Variants in C1orf21 observed in about 807,000 individuals in gnomAD.
C1orf21 encodes uncharacterized protein C1orf21.
Under a neutral mutation model 18.7 loss-of-function variants are expected in C1orf21, and 3 were observed. The observed-to-expected ratio is 0.16, with a 90% CI of 0.07 to 0.42. The LOEUF is 0.42. Ranked by LOEUF, C1orf21 falls within the 10% of genes least tolerant of loss-of-function variation. The pLI, the probability that C1orf21 is intolerant of heterozygous loss-of-function variation, is 0.99. For synonymous variants in C1orf21, 41 were observed against 46.4 expected, an observed-to-expected ratio of 0.88 and a Z score of 0.47; for missense variants, 104 against 143.6, an observed-to-expected ratio of 0.72 and a Z score of 1.41.
chr1:184,432,475 C>T (rs1430759856), intron 1 of C1orf21, among the ~76,000 whole-genome samples: 1 of 152,060 alleles, frequency 6.6e-6, no homozygotes, highest in Non-Finnish European at 1.5e-5. Flanking sequence ...ACAATGAGAA[C>T]ACAAGGACAC....
At chr1:184,474,694 C>A (rs1174200845) in intron 1 of C1orf21, among the ~76,000 whole-genome samples, 1 of 152,088 alleles carries the variant, frequency 6.6e-6, no homozygotes, top group Non-Finnish European at 1.5e-5. Context: ...TCTCAGTGTA[C>A]CCTGATTTTG....
chr1:184,586,027 C>A (rs989132739), intron 3 of C1orf21, among the ~76,000 whole-genome samples: 1 of 152,074 alleles, frequency 6.6e-6, no homozygotes, highest in Non-Finnish European at 1.5e-5. Flanking sequence ...ATTTTTAGAT[C>A]TTTGAGGAAT....
chr1:184,405,246 A>C (rs1463733283), intron 1 of C1orf21, among the ~76,000 whole-genome samples: 2 of 151,712 alleles, frequency 1.3e-5, no homozygotes, highest in Non-Finnish European at 2.9e-5. Context: ...CCCATGCTGG[A>C]GTGCAGTGGC....
intron 3 of C1orf21, among the ~76,000 whole-genome samples, chr1:184,524,993 G>C (rs1012110499): frequency 6.6e-6 from 1 of 151,942 alleles, no homozygotes; most frequent in Non-Finnish European, 1.5e-5. Flanking sequence ...TAAAATAACA[G>C]TATTTTCTGA....
intron 2 of C1orf21, among the ~76,000 whole-genome samples, chr1:184,503,077 C>CAAAAAAA (rs199599189): frequency 3.2e-5 from 2 of 61,640 alleles, no homozygotes; most frequent in African/African-American, 6.8e-5. Flanking sequence ...GAAACTGTCT[C>CAAAAAAA]AAAAAAAAAA....
chr1:184,609,884 G>A (rs1659701817), intron 5 of C1orf21, among the ~76,000 whole-genome samples: 1 of 152,238 alleles, frequency 6.6e-6, no homozygotes, highest in South Asian at 2.1e-4. Context: ...ATTGGGAAGA[G>A]ATGCTGTTGG....
chr1:184,577,400 C>T (rs919497433), intron 3 of C1orf21, among the ~76,000 whole-genome samples: 1 of 151,906 alleles, frequency 6.6e-6, no homozygotes, highest in African/African-American at 2.4e-5. Context: ...AGAAGGAAGG[C>T]GGCCCTCCAG....
intron 1 of C1orf21, among the ~76,000 whole-genome samples, chr1:184,402,261 G>C (rs768784311): frequency 2.0e-5 from 3 of 152,116 alleles, no homozygotes; most frequent in Non-Finnish European, 2.9e-5. Context: ...TTTAGTACTT[G>C]TGTGATTTTA....
At position 184,584,133 on chromosome 1, in the gene C1orf21, CTTTTT is replaced by C. The variant is rs386368968; in HGVS notation, c.190-6588_190-6584del. On this transcript the variant is annotated intron_variant, in intron 3 of 5. Coordinates refer to ENST00000235307, the MANE Select transcript of C1orf21 (RefSeq NM_030806.4). ...GTTGGTTTGTTTGCTTGTTCTTCTTCTTTTTTTTTTTTTTTTTTTTTTAAGAAAGC... is the reference window on the plus strand; with the variant it reads ...GTTGGTTTGTTTGCTTGTTCTTCTTCTTTTTTTTTTTTTTTTTAAGAAAGC... Among the ~76,000 whole-genome samples the C allele has an allele frequency of 1.7e-4, 19 of 113,238 alleles. No individual in the cohort carries two copies. In the East Asian group the frequency reaches 4.2e-3, roughly 25 times the overall value. The allele number at this position is 113,238 out of a possible 152,430, so 74.3% of individuals were successfully genotyped here. A position where few individuals can be genotyped will look rare whatever the true frequency, so the allele number is the denominator to read the frequency against.
At chr1:184,523,861 A>C (rs960428611) in intron 3 of C1orf21, among the ~76,000 whole-genome samples, 72 of 152,268 alleles carry the variant, frequency 4.7e-4, no homozygotes, top group Admixed American at 4.4e-3. Context: ...TTGTATCTCC[A>C]AGCATTCCAT....
intron 3 of C1orf21, among the ~76,000 whole-genome samples, chr1:184,568,185 T>C (rs1266389762): frequency 6.6e-6 from 1 of 152,240 alleles, no homozygotes; most frequent in Admixed American, 6.5e-5. Flanking sequence ...ACTTTCCTTT[T>C]ACCACATACA....
At chr1:184,515,318 G>A (rs115321156) in intron 3 of C1orf21, among the ~76,000 whole-genome samples, 7 of 152,244 alleles carry the variant, frequency 4.6e-5, no homozygotes, top group Non-Finnish European at 8.8e-5. Context: ...TAAAAAGGGA[G>A]ATAACAATAA....
At chr1:184,487,770 A>G (rs1243340485) in intron 2 of C1orf21, among the ~76,000 whole-genome samples, 1 of 152,240 alleles carries the variant, frequency 6.6e-6, no homozygotes, top group African/African-American at 2.4e-5. Context: ...ACTAACATGT[A>G]GTCTTGGCAA....
chr1:184,428,042 C>G (rs1051538535), intron 1 of C1orf21, among the ~76,000 whole-genome samples: 2 of 152,102 alleles, frequency 1.3e-5, no homozygotes, highest in Admixed American at 1.3e-4. Flanking sequence ...ATACTTAAGC[C>G]CTCTGAGTTT....
chr1:184,420,976 C>A (rs1656538701), intron 1 of C1orf21, among the ~76,000 whole-genome samples: 1 of 152,154 alleles, frequency 6.6e-6, no homozygotes, highest in African/African-American at 2.4e-5. Flanking sequence ...AATGCACCTA[C>A]CCTTTCTATG....
intron 2 of C1orf21, among the ~76,000 whole-genome samples, chr1:184,495,377 TC>T (rs577857025): frequency 7.9e-5 from 12 of 152,262 alleles, no homozygotes; most frequent in African/African-American, 2.9e-4. Flanking sequence ...TTTTATGTCT[TC>T]CCAGAATAGG....
intron 1 of C1orf21, among the ~76,000 whole-genome samples, chr1:184,441,112 T>C (rs1656937016): frequency 6.6e-6 from 1 of 152,214 alleles, no homozygotes; most frequent in Non-Finnish European, 1.5e-5. Context: ...ACATCATCTT[T>C]TGGTTAGTGG....
At chr1:184,593,415 T>C (rs1440628630) in intron 4 of C1orf21, among the ~76,000 whole-genome samples, 1 of 152,194 alleles carries the variant, frequency 6.6e-6, no homozygotes, top group Non-Finnish European at 1.5e-5. Context: ...TGCTGACATA[T>C]AGGATCAATT....
intron 3 of C1orf21, among the ~76,000 whole-genome samples, chr1:184,531,961 A>C (rs1658468433): frequency 6.6e-6 from 1 of 152,206 alleles, no homozygotes; most frequent in East Asian, 1.9e-4. Context: ...TAGCTTAAAA[A>C]TAAAAATTTT....
Sources: allele counts gnomAD v4.1 joint callset (sites outside exome capture counted in the v4.1 genomes callset), GRCh38; gene constraint gnomAD v4.1.1; transcripts MANE v1.5; gene names NCBI Gene and HGNC (gene_info 2026-07-23, HGNC 2026-07-21).